Variants in FAM222B observed in about 807,000 individuals in gnomAD.
The protein encoded by FAM222B is protein FAM222B.
Under a neutral mutation model 38.0 loss-of-function variants are expected in FAM222B, and 12 were observed. The ratio of observed to expected loss-of-function variants is 0.32; its 90% confidence interval spans 0.20 to 0.51. The LOEUF (loss-of-function observed/expected upper bound fraction) is 0.51, where lower values mean the gene tolerates loss of function less well. Ranked by LOEUF, FAM222B falls within the 20% of genes least tolerant of loss-of-function variation. The pLI is 0.97. For synonymous variants in FAM222B, 329 were observed against 317.2 expected (o/e 1.04, Z -0.40); for missense variants, 716 against 754.2 (o/e 0.95, Z 0.59).
At chr17:28,842,425 T>C (rs996114875) in intron 1 of FAM222B, among the ~76,000 whole-genome samples, 8 of 151,900 alleles carry the variant, frequency 5.3e-5, no homozygotes, top group African/African-American at 1.5e-4. Flanking sequence ...GACCAAAAGC[T>C]CCTGGAGGAA....
intron 1 of FAM222B, among the ~76,000 whole-genome samples, chr17:28,788,528 C>T (rs1053870862): frequency 1.3e-5 from 2 of 150,970 alleles, no homozygotes; most frequent in Non-Finnish European, 3.0e-5. Context: ...CATGAGCCAC[C>T]GCGTCCGGCC....
chr17:28,837,521 G>T (rs1473739107), intron 1 of FAM222B, among the ~76,000 whole-genome samples: 1 of 151,798 alleles, frequency 6.6e-6, no homozygotes, highest in African/African-American at 2.4e-5. Context: ...CTGTAATAAA[G>T]AAAATTTAGT....
At chr17:28,831,026 C>T (rs1228186982) in intron 1 of FAM222B, among the ~76,000 whole-genome samples, 3 of 135,512 alleles carry the variant, frequency 2.2e-5, no homozygotes, top group Non-Finnish European at 4.6e-5. Context: ...GACGGAGTCT[C>T]GCTCTGTCAC....
chr17:28,760,947 T>G (rs1224240037), intron 2 of FAM222B, among the ~76,000 whole-genome samples: 1 of 152,198 alleles, frequency 6.6e-6, no homozygotes, highest in African/African-American at 2.4e-5. Flanking sequence ...TTTATTTGCT[T>G]GAGAAGGAAG....
rs1236338515 is a variant in FAM222B, at chr17:28,756,984, A to T, written c.*1286T>A. 2.0e-5 allele frequency: 3 copies of T among 152,482 alleles called. No homozygotes were observed. Among genetic ancestry groups the T allele is most frequent in the African/African-American group, 7.2e-5 (3 of 41,468 alleles). 9.4% of individuals were successfully genotyped at this position (152,482 alleles called of 1,614,324 possible). ...GCATCTTTAACAGAATGGTGCAAAA[A>T]TTTGTAACAAAACAGTCTAAGTTTA... On this transcript the variant is annotated 3_prime_UTR_variant, in exon 3 of 3. Transcript: ENST00000581407.
chr17:28,810,728 C>T (rs2037720554), intron 1 of FAM222B, among the ~76,000 whole-genome samples: 1 of 152,186 alleles, frequency 6.6e-6, no homozygotes, highest in Non-Finnish European at 1.5e-5. Flanking sequence ...TTTTTAGTAA[C>T]ATGTCTATTC....
intron 1 of FAM222B, among the ~76,000 whole-genome samples, chr17:28,823,959 G>A (rs1009127259): frequency 2.1e-5 from 3 of 144,664 alleles, no homozygotes; most frequent in Non-Finnish European, 4.5e-5. Context: ...CTCACTACAA[G>A]CTCTGCCTCC....
At chr17:28,796,981 T>C (rs1230738350) in intron 1 of FAM222B, among the ~76,000 whole-genome samples, 1 of 148,940 alleles carries the variant, frequency 6.7e-6, no homozygotes, top group Non-Finnish European at 1.5e-5. Flanking sequence ...AGAAGCCAGT[T>C]AAGTGGCTAT....
At chr17:28,833,150 A>C (rs1231506735) in intron 1 of FAM222B, among the ~76,000 whole-genome samples, 1 of 151,784 alleles carries the variant, frequency 6.6e-6, no homozygotes, top group Non-Finnish European at 1.5e-5. Context: ...TCAACTAAAA[A>C]TACAAAAAAT....
At chr17:28,770,912 G>A (rs1037857052) in intron 1 of FAM222B, among the ~76,000 whole-genome samples, 1 of 151,474 alleles carries the variant, frequency 6.6e-6, no homozygotes, top group Admixed American at 6.6e-5. Flanking sequence ...AGGTTCTAAG[G>A]GTCACAATGT....
At chr17:28,761,832 A>T (rs762907661) in intron 2 of FAM222B, among the ~76,000 whole-genome samples, 1 of 152,192 alleles carries the variant, frequency 6.6e-6, no homozygotes, top group Non-Finnish European at 1.5e-5. Flanking sequence ...AAGACATCAG[A>T]ATTCCAACAG....
At position 28,779,793 on chromosome 17, in the gene FAM222B, A is replaced by AATAG. The variant is rs2036085458; in HGVS notation, c.-40-13087_-40-13086insCTAT. ...AAATAAATAAATAAATAAATAAATA[A>AATAG]AGCATCTGACAAAATTCAGCATACT... On this transcript the variant is annotated intron_variant, in intron 1 of 2. Transcript: ENST00000581407. Among the ~76,000 whole-genome samples the AATAG allele has an allele frequency of 2.6e-5, 4 of 151,794 alleles. No homozygotes were observed. In the South Asian group the frequency reaches 6.2e-4, roughly 24 times the overall value.
intron 1 of FAM222B, 112 bp from the exon 2 acceptor site, chr17:28,766,819 T>G: frequency 1.7e-6 from 1 of 603,394 alleles, no homozygotes; most frequent in Non-Finnish European, 3.0e-6. Flanking sequence ...ATAAAGCAAT[T>G]TAATTAGCAG....
rs796869971 is a variant in FAM222B, at chr17:28,803,078, G to A, written c.-40-36371C>T. Among the ~76,000 whole-genome samples, 12 of 151,768 alleles carry A rather than the reference G, an allele frequency of 7.9e-5. No individual in the cohort carries two copies. The South Asian group carries it at 1.7e-3, about 21-fold the overall frequency. ...GGCTGGAGTACAGTGGTGCAATCTC[G>A]GCTCACTGCAACCTCCACCTCCCAA... is the stretch of plus-strand genomic sequence containing the variant. On this transcript the variant is annotated intron_variant, in intron 1 of 2. Coordinates refer to ENST00000581407, the MANE Select transcript of FAM222B (RefSeq NM_001077498.3).
chr17:28,782,111 G>A (rs1365488159), intron 1 of FAM222B, among the ~76,000 whole-genome samples: 9 of 152,136 alleles, frequency 5.9e-5, no homozygotes, highest in Non-Finnish European at 1.2e-4. Flanking sequence ...GATCACTTGA[G>A]ACCAGGAATT....
intron 1 of FAM222B, among the ~76,000 whole-genome samples, chr17:28,831,019 G>A (rs1211801120): frequency 2.2e-5 from 3 of 137,320 alleles, no homozygotes; most frequent in Admixed American, 7.7e-5. Flanking sequence ...TTTTTGAGAC[G>A]GAGTCTCGCT....
chr17:28,764,119 G>C (rs972369004), intron 2 of FAM222B, among the ~76,000 whole-genome samples: 10 of 152,088 alleles, frequency 6.6e-5, no homozygotes, highest in African/African-American at 2.4e-4. Context: ...TTAGGATTAA[G>C]AAAGAAAAAA....
At chr17:28,776,323 G>A (rs1465088638) in intron 1 of FAM222B, among the ~76,000 whole-genome samples, 1 of 136,876 alleles carries the variant, frequency 7.3e-6, no homozygotes, top group Non-Finnish European at 1.5e-5. Flanking sequence ...TTGCAATGAG[G>A]CGAGATCACG....
chr17:28,846,424 G>A (rs1010903459), upstream of FAM222B, among the ~76,000 whole-genome samples: 12 of 151,992 alleles, frequency 7.9e-5, 1 homozygote, highest in Admixed American at 7.9e-4. Context: ...ACTCACGCCT[G>A]TAATGTCATC....
Sources: allele counts gnomAD v4.1 joint callset (sites outside exome capture counted in the v4.1 genomes callset), GRCh38; gene constraint gnomAD v4.1.1; transcripts MANE v1.5; gene names NCBI Gene and HGNC (gene_info 2026-07-23, HGNC 2026-07-21).